CARMIL3: variants seen among roughly 807,000 people sequenced by gnomAD.
CARMIL3 encodes the protein capping protein regulator and myosin 1 linker 3.
In CARMIL3, 88 loss-of-function variants were observed where a neutral mutation model predicts 180.8. That is an observed-to-expected ratio of 0.49 (90% CI 0.41 to 0.58). The LOEUF is 0.58. CARMIL3 is among the 20% of genes least tolerant of loss of function. The pLI is 0.00. For missense variants in CARMIL3, 1,548 were observed against 1,787.0 expected, an observed-to-expected ratio of 0.87 and a Z score of 2.41; for synonymous variants, 696 against 714.5, an observed-to-expected ratio of 0.97 and a Z score of 0.41.
In CARMIL3 at chr14:24,059,574, C is replaced by A; in HGVS notation, c.1800-90C>A. On this transcript the variant is annotated intron_variant, in intron 21 of 39. Coordinates refer to ENST00000342740, the MANE Select transcript of CARMIL3 (RefSeq NM_138360.4). The surrounding 1 kb of genome is among the most constrained non-coding windows in gnomAD (Gnocchi z 6.3). ...CCCAGCCCCAGAACCATCTCTGAGT[C>A]AGCCTTATTGCCCCAAGAGGTTTGT... 6.5e-7 allele frequency: 1 copy of A among 1,540,420 alleles called. No individual in the cohort carries two copies. Among genetic ancestry groups the A allele is most frequent in the Non-Finnish European group, 8.9e-7 (1 of 1,129,290 alleles).
At chr14:24,064,710 A>G (rs989213661) in intron 32 of CARMIL3, among the ~76,000 whole-genome samples, 25 of 152,126 alleles carry the variant, frequency 1.6e-4, no homozygotes, top group African/African-American at 6.0e-4. Context: ...GTCCAGGAGG[A>G]GCCAGGTCAC....
chr14:24,061,802 C>A lies in CARMIL3; in HGVS notation c.2480+130C>A. 1.9e-6 allele frequency: 2 copies of A among 1,063,184 alleles called. No homozygotes were observed. The highest frequency in any genetic ancestry group is 2.7e-6 in the Non-Finnish European group (2 of 754,072). The allele number at this position is 1,063,184 out of a possible 1,614,324, so 65.9% of individuals were successfully genotyped here. A position where few individuals can be genotyped will look rare whatever the true frequency, so the allele number is the denominator to read the frequency against. ...TCCATTACAAGGATCAATCTTTAAC[C>A]AAGTGCAACCTTGCTATTTAGGGTC... is the stretch of plus-strand genomic sequence containing the variant. On this transcript the variant is annotated intron_variant, in intron 27 of 39. Coordinates refer to ENST00000342740, the MANE Select transcript of CARMIL3 (RefSeq NM_138360.4). The surrounding 1 kb of genome is among the most constrained non-coding windows in gnomAD (Gnocchi z 4.1).
chr14:24,056,879 TA>T (rs749920904), intron 12 of CARMIL3, 35 bp from the exon 13 acceptor site: 50 of 1,605,492 alleles, frequency 3.1e-5, no homozygotes, highest in Non-Finnish European at 2.6e-5. Flanking sequence ...GAGGTGGGGC[TA>T]GGGGCCAACC....
At position 24,059,316 on chromosome 14, in the gene CARMIL3, C is replaced by G; in HGVS notation, c.1673C>G (p.Thr558Ser). Residue 558 changes from threonine (T) to serine (S), a missense_variant, in exon 21 of 40, where the codon ACC becomes AGC. By Grantham distance (58) the Thr-to-Ser change is moderately conservative. Transcript: ENST00000342740. The surrounding 1 kb of genome is among the most constrained non-coding windows in gnomAD (Gnocchi z 6.3). ...GCAGACTCCCGGCTGAAGCTTCGCA[C>G]CAGCATCCTCATCAATGCCCTGGGC... ...SVADSRLKLR[T>S]SILINALGSN... 6.2e-7 allele frequency: 1 copy of G among 1,613,988 alleles called. No individual in the cohort carries two copies. The highest frequency in any genetic ancestry group is 8.5e-7 in the Non-Finnish European group (1 of 1,180,032).
At position 24,054,413 on chromosome 14, in the gene CARMIL3, G is replaced by A. The variant is rs1356137637; in HGVS notation, c.264G>A (p.Glu88=). 1.2e-6 allele frequency: 2 copies of A among 1,614,072 alleles called. No individual in the cohort carries two copies. Among genetic ancestry groups the A allele is most frequent in the East Asian group, 4.5e-5 (2 of 44,892 alleles). The change falls in exon 5 of 40, where the codon GAG becomes GAA. Residue 88 remains glutamate (E), a synonymous_variant. Transcript: ENST00000342740. The surrounding 1 kb of genome is among the most constrained non-coding windows in gnomAD (Gnocchi z 5.1). ...LSQNQILVET[E]RGMVSMRLPS... ...TCCCCCAGATCCTGGTGGAGACGGA[G>A]CGTGGCATGGTGAGCATGCGACTGC...
intron 1 of CARMIL3, among the ~76,000 whole-genome samples, chr14:24,053,401 A>C (rs1441186792): frequency 1.3e-5 from 2 of 151,960 alleles, no homozygotes; most frequent in Non-Finnish European, 2.9e-5. Flanking sequence ...AAAATTCTTC[A>C]CACCCTCAGA....
Position 24,065,183 on chromosome 14 carries a change from T to C in CARMIL3, c.3306T>C (p.Asn1102=). The change falls in exon 33 of 40, where the codon AAT becomes AAC. Residue 1102 remains asparagine (N), a synonymous_variant. Coordinates refer to ENST00000342740, the MANE Select transcript of CARMIL3 (RefSeq NM_138360.4). ...GCCCAGACCCCCCAAGCCTCGGCAA[T>C]AACTCCTCTCCCTGCTGGAGCCCAG... ...PPSPDPPSLG[N]NSSPCWSPEE... 1 of 1,372,564 alleles carries C rather than the reference T, an allele frequency of 7.3e-7. No homozygotes were observed. The highest frequency in any genetic ancestry group is 1.3e-5 in the South Asian group (1 of 74,380). 85.0% of individuals were successfully genotyped at this position (1,372,564 alleles called of 1,614,324 possible).
In CARMIL3 at chr14:24,055,684, C is replaced by T. The variant is rs754561473; in HGVS notation, c.682-17C>T. On this transcript the variant is annotated splice_polypyrimidine_tract_variant and intron_variant, in intron 9 of 39. Coordinates refer to ENST00000342740, the MANE Select transcript of CARMIL3 (RefSeq NM_138360.4). ...CCCCCCTTGGCCCCTGATCACAAGA[C>T]CCCCCTCTGTCCTCAGGGCTCTGAA... 1.1e-4 allele frequency: 173 copies of T among 1,613,596 alleles called. No individual in the cohort carries two copies. The highest frequency in any genetic ancestry group is 1.2e-4 in the Non-Finnish European group (145 of 1,179,700).
Position 24,052,158 on chromosome 14 carries a change from C to T in CARMIL3, c.5C>T (p.Ala2Val). The T allele has an allele frequency of 6.3e-7, 1 of 1,587,612 alleles. No homozygotes were observed. The highest frequency in any genetic ancestry group is 1.1e-5 in the South Asian group (1 of 87,824). Reference sequence around the variant, plus strand: ...GCCTCAGCAGCAGCGGCCGCCATGGCCAAGCCCAGCGTGGAGCTCACCCGC... The same window carrying T: ...GCCTCAGCAGCAGCGGCCGCCATGGTCAAGCCCAGCGTGGAGCTCACCCGC... MAKPSVELTREL... is the reference protein window; with the variant it reads MVKPSVELTREL... The change falls in exon 1 of 40, where the codon GCC becomes GTC. Residue 2 changes from alanine (A) to valine (V), a missense_variant. Ala to Val is a moderately conservative substitution (Grantham distance 64, BLOSUM62 0). This residue lies in a region of CARMIL3 where 578 missense variants were observed against 666.5 expected (regional missense o/e 0.87). Coordinates refer to ENST00000342740, the MANE Select transcript of CARMIL3 (RefSeq NM_138360.4).
intron 2 of CARMIL3, 106 bp from the exon 3 acceptor site, chr14:24,053,982 C>A: frequency 7.5e-7 from 1 of 1,339,260 alleles, no homozygotes; most frequent in South Asian, 1.3e-5. Context: ...GGTAGGGCAT[C>A]GGGTTGGGGA....
chr14:24,066,751 C>T lies in CARMIL3; in HGVS notation c.3682+95C>T, dbSNP rs1212237568. 9 of 1,284,054 alleles carry T rather than the reference C, an allele frequency of 7.0e-6. No homozygotes were observed. The East Asian group carries it at 1.6e-4, about 23-fold the overall frequency. The allele number at this position is 1,284,054 out of a possible 1,614,324, so 79.5% of individuals were successfully genotyped here. A position where few individuals can be genotyped will look rare whatever the true frequency, so the allele number is the denominator to read the frequency against. Reference sequence around the variant, plus strand: ...GGCCCCTGTGCTGGGGAATTTATGGCCAAGGTGGGGCAGTGAGAAGTCAAC... The same window carrying T: ...GGCCCCTGTGCTGGGGAATTTATGGTCAAGGTGGGGCAGTGAGAAGTCAAC... On this transcript the variant is annotated intron_variant, in intron 36 of 39. Coordinates refer to ENST00000342740, the MANE Select transcript of CARMIL3 (RefSeq NM_138360.4).
At position 24,068,722 on chromosome 14, in the gene CARMIL3, G is replaced by A. The variant is rs1594556885; in HGVS notation, c.3801+20G>A. ...GCCAAGGTGAGAGCTGGCAAGATGG[G>A]TGGGGGAGGCACTTTGATGAGGCAA... is the stretch of plus-strand genomic sequence containing the variant. On this transcript the variant is annotated intron_variant, in intron 37 of 39. Transcript: ENST00000342740. 6.2e-7 allele frequency: 1 copy of A among 1,613,578 alleles called. No homozygotes were observed.
Position 24,054,008 on chromosome 14 carries a change from G to T in CARMIL3, c.136-80G>T. On this transcript the variant is annotated intron_variant, in intron 2 of 39. Coordinates refer to ENST00000342740, the MANE Select transcript of CARMIL3 (RefSeq NM_138360.4). The surrounding 1 kb of genome is among the most constrained non-coding windows in gnomAD (Gnocchi z 5.1). ...GGGTTGGGGAGACACTCCAAGAGCA[G>T]AGCTGAAGGGCTTAAGGAGGGCAGG... 6.6e-7 allele frequency: 1 copy of T among 1,514,700 alleles called. No individual in the cohort carries two copies. Among genetic ancestry groups the T allele is most frequent in the South Asian group, 1.2e-5 (1 of 86,654 alleles). The allele number at this position is 1,514,700 out of a possible 1,614,324, so 93.8% of individuals were successfully genotyped here.
chr14:24,055,184 AG>A, intron 7 of CARMIL3, 48 bp downstream of exon 7: 1 of 1,613,932 alleles, frequency 6.2e-7, no homozygotes, highest in South Asian at 1.1e-5. Context: ...CCTGGAGGGA[AG>A]GGGCTAAGAA....
At position 24,058,278 on chromosome 14, in the gene CARMIL3, C is replaced by G; in HGVS notation, c.1392+54C>G. The G allele has an allele frequency of 3.2e-6, 5 of 1,565,994 alleles. No homozygotes were observed. Among genetic ancestry groups the G allele is most frequent in the Non-Finnish European group, 4.3e-6 (5 of 1,152,316 alleles). ...CCGCCTCCGATCCATGTGCATTTCT[C>G]AGACCTAAGTCAAACCCTGGCTCCA... On this transcript the variant is annotated intron_variant, in intron 17 of 39. Coordinates refer to ENST00000342740, the MANE Select transcript of CARMIL3 (RefSeq NM_138360.4). The surrounding 1 kb of genome is among the most constrained non-coding windows in gnomAD (Gnocchi z 6.4).
chr14:24,063,139 A>G lies in CARMIL3; in HGVS notation c.2726A>G (p.Lys909Arg). ...CTGCAGGACACCATGGCCATCAAAA[A>G]GCAGAAACGCTGCCGCAAGATTCGG... is the stretch of plus-strand genomic sequence containing the variant. ...GTNIDTMAIK[K>R]QKRCRKIRPV... The change falls in exon 30 of 40, where the codon AAG (lysine) becomes AGG (arginine). Residue 909 changes from lysine to arginine, a missense_variant. Around this residue, in one of 4 missense-constraint regions of CARMIL3, gnomAD observed 668 missense variants for 687.8 expected, o/e 0.97. Coordinates refer to ENST00000342740, the MANE Select transcript of CARMIL3 (RefSeq NM_138360.4). 2 of 1,613,552 alleles carry G rather than the reference A, an allele frequency of 1.2e-6. No individual in the cohort carries two copies. The highest frequency in any genetic ancestry group is 1.7e-6 in the Non-Finnish European group (2 of 1,179,492).
At position 24,061,739 on chromosome 14, in the gene CARMIL3, T is replaced by G. The variant is rs1252906234; in HGVS notation, c.2480+67T>G. On this transcript the variant is annotated intron_variant, in intron 27 of 39. Transcript: ENST00000342740. The surrounding 1 kb of genome is among the most constrained non-coding windows in gnomAD (Gnocchi z 4.1). ...CCCAGATCACTTAGGGACTTAGGAC[T>G]GGAGAGCTATCAGCAATGAATAATG... 49 of 1,504,362 alleles carry G rather than the reference T, an allele frequency of 3.3e-5. No individual in the cohort carries two copies. The highest frequency in any genetic ancestry group is 4.2e-5 in the Non-Finnish European group (46 of 1,103,196). 93.2% of individuals were successfully genotyped at this position (1,504,362 alleles called of 1,614,324 possible).
Position 24,061,433 on chromosome 14 carries a change from T to A in CARMIL3, c.2305-64T>A. ...GGGCTGGAATAGATAAAGTCTCTTC[T>A]GCTGTGGTGCCAGCCCTGATCCTGT... On this transcript the variant is annotated intron_variant, in intron 26 of 39. Transcript: ENST00000342740. The surrounding 1 kb of genome is among the most constrained non-coding windows in gnomAD (Gnocchi z 4.1). 6.6e-7 allele frequency: 1 copy of A among 1,519,758 alleles called. No individual in the cohort carries two copies. Among genetic ancestry groups the A allele is most frequent in the Non-Finnish European group, 8.9e-7 (1 of 1,118,520 alleles). 94.1% of individuals were successfully genotyped at this position (1,519,758 alleles called of 1,614,324 possible). A position where few individuals can be genotyped will look rare whatever the true frequency, so the allele number is the denominator to read the frequency against.
At chr14:24,057,110 G>T in intron 13 of CARMIL3, 57 bp from the exon 14 acceptor site, 3 of 1,598,194 alleles carry the variant, frequency 1.9e-6, no homozygotes, top group African/African-American at 1.3e-5. Context: ...ATGGCCTCTG[G>T]GGGTGGCGAG....
Sources: allele counts gnomAD v4.1 joint callset (sites outside exome capture counted in the v4.1 genomes callset), GRCh38; gene constraint gnomAD v4.1.1; regional missense constraint gnomAD v4.1.1; non-coding constraint Gnocchi (gnomAD v3.1); transcripts MANE v1.5; gene names NCBI Gene and HGNC (gene_info 2026-07-23, HGNC 2026-07-21).